The following PTPRD variants were observed in gnomAD, a reference collection of about 807,000 sequenced individuals.
PTPRD encodes receptor-type tyrosine-protein phosphatase delta.
Under a neutral mutation model 214.5 loss-of-function variants are expected in PTPRD, and 34 were observed. The observed-to-expected ratio is 0.16, with a 90% CI of 0.12 to 0.21. The LOEUF (loss-of-function observed/expected upper bound fraction) is 0.21. Ranked by LOEUF, PTPRD falls within the 10% of genes least tolerant of loss-of-function variation. The probability of loss-of-function intolerance (pLI) is 1.00; values close to 1 mark genes in which losing one functional copy is unlikely to be tolerated. For synonymous variants in PTPRD, 1,128 were observed against 845.7 expected (o/e 1.33, Z -5.79); for missense variants, 2,545 against 2,398.7 (o/e 1.06, Z -1.27).
At chr9:9,149,207 T>G (rs1455699559) in intron 10 of PTPRD, among the ~76,000 whole-genome samples, 6 of 152,172 alleles carry the variant, frequency 3.9e-5, no homozygotes, top group Non-Finnish European at 8.8e-5. Context: ...AATAATAACA[T>G]TATCTACCTC....
chr9:9,949,429 A>G (rs1008153240), intron 4 of PTPRD, among the ~76,000 whole-genome samples: 1 of 152,090 alleles, frequency 6.6e-6, no homozygotes, highest in Non-Finnish European at 1.5e-5. Flanking sequence ...ATTTTTACCA[A>G]TAAGCAACAA....
chr9:9,898,465 A>G (rs1434009813), intron 5 of PTPRD, among the ~76,000 whole-genome samples: 1 of 151,754 alleles, frequency 6.6e-6, no homozygotes, highest in Non-Finnish European at 1.5e-5. Flanking sequence ...TGTTTTATTG[A>G]CATTTTATTT....
At chr9:10,591,072 G>A (rs939180212) in intron 2 of PTPRD, among the ~76,000 whole-genome samples, 2 of 151,336 alleles carry the variant, frequency 1.3e-5, no homozygotes, top group African/African-American at 4.9e-5. Context: ...AAGACTGATG[G>A]GCAGATTCCA....
intron 7 of PTPRD, among the ~76,000 whole-genome samples, chr9:9,655,705 C>T (rs1049015993): frequency 2.0e-5 from 3 of 151,838 alleles, no homozygotes; most frequent in South Asian, 2.1e-4. Context: ...GAGCTGGGTG[C>T]GGTGGCTCAC....
At position 8,626,874 on chromosome 9, in the gene PTPRD, G is replaced by A. The variant is rs568438297; in HGVS notation, c.352+6443C>T. ...GAAACTTCTTGGCCTCATTAATAATGTCAGCTAATTTGTTAAAATAAGGCT... is the reference window on the plus strand; with the variant it reads ...GAAACTTCTTGGCCTCATTAATAATATCAGCTAATTTGTTAAAATAAGGCT... On this transcript the variant is annotated intron_variant, in intron 14 of 45. Coordinates refer to ENST00000381196, the MANE Select transcript of PTPRD (RefSeq NM_002839.4). 5.3e-5 allele frequency among the ~76,000 whole-genome samples: 8 copies of A among 151,742 alleles called. No individual in the cohort carries two copies. In the South Asian group the frequency reaches 1.7e-3, roughly 32 times the overall value.
At chr9:8,779,798 T>C (rs142772214) in intron 11 of PTPRD, among the ~76,000 whole-genome samples, 2 of 150,222 alleles carry the variant, frequency 1.3e-5, no homozygotes, top group African/African-American at 2.5e-5. Context: ...TCACACATTA[T>C]GTCGATGTTT....
At chr9:8,714,131 G>C (rs564001111) in intron 12 of PTPRD, among the ~76,000 whole-genome samples, 1 of 152,276 alleles carries the variant, frequency 6.6e-6, no homozygotes, top group East Asian at 1.9e-4. Flanking sequence ...CAAACCTAAA[G>C]AGATGATCTA....
intron 5 of PTPRD, among the ~76,000 whole-genome samples, chr9:9,884,419 G>A (rs2070010381): frequency 6.6e-6 from 1 of 152,086 alleles, no homozygotes; most frequent in Non-Finnish European, 1.5e-5. Flanking sequence ...TTCTATCTCT[G>A]TAAGAAAGCC....
At chr9:10,559,748 G>A (rs1474642941) in intron 2 of PTPRD, among the ~76,000 whole-genome samples, 1 of 152,006 alleles carries the variant, frequency 6.6e-6, no homozygotes, top group Non-Finnish European at 1.5e-5. Context: ...AGTGGGCGAA[G>A]GACATGAACA....
chr9:10,320,247 C>A (rs1201204978), intron 3 of PTPRD, among the ~76,000 whole-genome samples: 1 of 152,026 alleles, frequency 6.6e-6, no homozygotes, highest in East Asian at 1.9e-4. Context: ...TTGAGCAGTT[C>A]TGCACTTAAT....
rs537583955 is a variant in PTPRD at position 8,316,172 on chromosome 9, C to T, written c.*1702G>A. 1.7e-5 allele frequency: 4 copies of T among 229,828 alleles called. No individual in the cohort carries two copies. The South Asian group carries it at 7.3e-4, about 42-fold the overall frequency. 14.2% of individuals were successfully genotyped at this position (229,828 alleles called of 1,614,324 possible). A position where few individuals can be genotyped will look rare whatever the true frequency, so the allele number is the denominator to read the frequency against. On this transcript the variant is annotated 3_prime_UTR_variant, in exon 46 of 46. Coordinates refer to ENST00000381196, the MANE Select transcript of PTPRD (RefSeq NM_002839.4). ...TCCAAGTGCTTTGGGCTGGTACAATCACTAACATCCCCGACTTGGCTGAAA... is the reference window on the plus strand; with the variant it reads ...TCCAAGTGCTTTGGGCTGGTACAATTACTAACATCCCCGACTTGGCTGAAA...
intron 11 of PTPRD, among the ~76,000 whole-genome samples, chr9:8,993,212 G>T (rs2099384438): frequency 6.6e-6 from 1 of 152,086 alleles, no homozygotes; most frequent in African/African-American, 2.4e-5. Context: ...TGGCTCTAAG[G>T]TTAGAACCAT....
intron 12 of PTPRD, among the ~76,000 whole-genome samples, chr9:8,719,309 T>G (rs193204000): frequency 2.4e-3 from 363 of 152,320 alleles, no homozygotes; most frequent in African/African-American, 8.3e-3. Context: ...CTGCATACAT[T>G]TTAAAGGTTA....
At chr9:8,748,543 A>AAAAAAAAAAAAAAAAAAAAAAAAAAAAC (rs2093142260) in intron 11 of PTPRD, among the ~76,000 whole-genome samples, 1 of 149,754 alleles carries the variant, frequency 6.7e-6, no homozygotes, top group Admixed American at 6.7e-5. Context: ...AAAAAAAAGA[A>AAAAAAAAAAAAAAAAAAAAAAAAAAAAC]AAAGAAAAAG....
chr9:8,649,413 A>G (rs1489845555), intron 12 of PTPRD, among the ~76,000 whole-genome samples: 2 of 152,338 alleles, frequency 1.3e-5, no homozygotes, highest in Admixed American at 1.3e-4. Context: ...GCTGACCACA[A>G]CTTCTCATCT....
chr9:10,037,580 G>GAAAAAA (rs376794277), intron 3 of PTPRD, among the ~76,000 whole-genome samples: 2 of 83,112 alleles, frequency 2.4e-5, no homozygotes. Flanking sequence ...TATAGCAGTG[G>GAAAAAA]AAAAAAAAAA....
At chr9:10,129,499 CTT>C (rs35281382) in intron 3 of PTPRD, among the ~76,000 whole-genome samples, 4,133 of 125,784 alleles carry the variant, frequency 0.033, 126 homozygotes, top group African/African-American at 0.092. Flanking sequence ...TTTTTCTTTC[CTT>C]TTTTTTTTTT....
At chr9:8,390,538 TGTC>T (rs1185158307) in intron 36 of PTPRD, among the ~76,000 whole-genome samples, 1 of 102,008 alleles carries the variant, frequency 9.8e-6, no homozygotes, top group Non-Finnish European at 2.3e-5. Context: ...TATATTTACT[TGTC>T]TGTTAAGTTG....
At chr9:8,924,216 A>G (rs2154273999) in intron 11 of PTPRD, among the ~76,000 whole-genome samples, 1 of 143,308 alleles carries the variant, frequency 7.0e-6, no homozygotes, top group Non-Finnish European at 1.5e-5. Context: ...AAAAGGATCA[A>G]CATTGGCAAA....
Sources: gnomAD v4.1 joint callset for allele counts (sites outside exome capture counted in the v4.1 genomes callset) on GRCh38, gnomAD v4.1.1 for gene constraint, MANE v1.5 for transcripts, NCBI Gene and HGNC (gene_info 2026-07-23, HGNC 2026-07-21) for gene names.